Variants in PRKCE observed in about 807,000 individuals in gnomAD.
PRKCE encodes the protein protein kinase C epsilon.
PRKCE carries 16 observed loss-of-function variants against 85.4 expected under a neutral mutation model. The ratio of observed to expected loss-of-function variants is 0.19; its 90% CI spans 0.13 to 0.28. PRKCE has a LOEUF of 0.28. PRKCE is among the 10% of genes least tolerant of loss of function. PRKCE has a pLI of 1.00. For missense variants in PRKCE, 573 were observed against 975.2 expected (o/e 0.59, Z 5.49); for synonymous variants, 388 against 371.5 (o/e 1.04, Z -0.51).
chr2:45,687,467 G>T (rs574337141), intron 1 of PRKCE, among the ~76,000 whole-genome samples: 1 of 152,206 alleles, frequency 6.6e-6, no homozygotes, highest in South Asian at 2.1e-4. Flanking sequence ...CATGCATAAT[G>T]GGAACATAAA....
intron 1 of PRKCE, among the ~76,000 whole-genome samples, chr2:45,754,157 G>T (rs1010690954): frequency 2.6e-5 from 4 of 152,208 alleles, no homozygotes; most frequent in African/African-American, 9.6e-5. Context: ...TGCATCTGAG[G>T]TGGGGAAAGC....
chr2:45,902,411 A>G (rs1460990991), intron 2 of PRKCE, among the ~76,000 whole-genome samples: 1 of 152,206 alleles, frequency 6.6e-6, no homozygotes. Flanking sequence ...GTGATCCAAC[A>G]GGAGGATATT....
intron 1 of PRKCE, among the ~76,000 whole-genome samples, chr2:45,749,924 T>G (rs533202579): frequency 6.6e-6 from 1 of 152,084 alleles, no homozygotes; most frequent in South Asian, 2.1e-4. Context: ...TTTAGAGGAG[T>G]CAAGAACTGC....
chr2:46,000,850 C>A (rs577437650), intron 6 of PRKCE: 1 of 152,228 alleles, frequency 6.6e-6, no homozygotes, highest in Non-Finnish European at 1.5e-5. Context: ...CTGTCTAATT[C>A]TGGGAGCAGC....
At chr2:46,050,028 T>C (rs984205648) in intron 10 of PRKCE, among the ~76,000 whole-genome samples, 12 of 152,090 alleles carry the variant, frequency 7.9e-5, no homozygotes, top group African/African-American at 2.9e-4. Flanking sequence ...AAACCTAAAG[T>C]TCTTGCAGAA....
At chr2:45,870,973 C>A (rs1238975443) in intron 2 of PRKCE, among the ~76,000 whole-genome samples, 2 of 152,214 alleles carry the variant, frequency 1.3e-5, no homozygotes, top group African/African-American at 4.8e-5. Flanking sequence ...TGCCCAGTCC[C>A]AACCTGTGCC....
intron 6 of PRKCE, among the ~76,000 whole-genome samples, chr2:45,991,892 G>T (rs2104653538): frequency 6.6e-6 from 1 of 152,312 alleles, no homozygotes; most frequent in South Asian, 2.1e-4. Context: ...CTAGTTCCCT[G>T]TTATCTATTG....
chr2:45,698,958 G>T (rs929828866), intron 1 of PRKCE, among the ~76,000 whole-genome samples: 1 of 152,168 alleles, frequency 6.6e-6, no homozygotes, highest in Non-Finnish European at 1.5e-5. Context: ...TATTGCCAAG[G>T]AGTGGTAAGA....
rs923111131 is a variant in PRKCE at position 46,085,570 on chromosome 2, C to G, written c.1438-638C>G. On this transcript the variant is annotated intron_variant, in intron 10 of 14. Transcript: ENST00000306156. ...CATCCTTTGGCTTGTGACTGTTTCA[C>G]TCCAATCTCTGCCTCTGTGGCCACT... Among the ~76,000 whole-genome samples the G allele has an allele frequency of 6.1e-5, 9 of 147,170 alleles. 1 individual carries two copies. The Admixed American group carries it at 6.1e-4, about 10-fold the overall frequency.
chr2:45,874,585 T>A (rs1694333227), intron 2 of PRKCE, among the ~76,000 whole-genome samples: 5 of 152,126 alleles, frequency 3.3e-5, no homozygotes, highest in Admixed American at 1.3e-4. Context: ...TTTAGAAGAG[T>A]CACATGGGGA....
At chr2:45,665,699 C>CT (rs1159455195) in intron 1 of PRKCE, among the ~76,000 whole-genome samples, 1 of 152,114 alleles carries the variant, frequency 6.6e-6, no homozygotes, top group Non-Finnish European at 1.5e-5. Flanking sequence ...ACAATGAATA[C>CT]TTTTTTTTCT....
rs1169090385 is a variant in PRKCE, at chr2:46,155,582, C to A, written c.1921-4024C>A. On this transcript the variant is annotated intron_variant, in intron 13 of 14. Coordinates refer to ENST00000306156, the MANE Select transcript of PRKCE (RefSeq NM_005400.3). The surrounding 1 kb of genome is among the most constrained non-coding windows in gnomAD (Gnocchi z 4.7). ...TACTCACTTTCTCCCTTCAGCTGGC[C>A]AGGGGTCCCTCACATTCAGTATACT... Among the ~76,000 whole-genome samples the A allele has an allele frequency of 6.6e-6, 1 of 152,142 alleles. No individual in the cohort carries two copies. Among genetic ancestry groups the A allele is most frequent in the African/African-American group, 2.4e-5 (1 of 41,420 alleles).
At chr2:46,026,717 A>G (rs1230361601) in intron 10 of PRKCE, among the ~76,000 whole-genome samples, 3 of 152,230 alleles carry the variant, frequency 2.0e-5, no homozygotes, top group Non-Finnish European at 2.9e-5. Flanking sequence ...AGACCCCTTA[A>G]ACACAGAGAT....
rs184816865 is a variant in PRKCE at position 45,802,013 on chromosome 2, G to T, written c.349-40987G>T. Among the ~76,000 whole-genome samples, 694 of 151,612 alleles carry T rather than the reference G, an allele frequency of 4.6e-3. 2 individuals carry two copies. Among genetic ancestry groups the T allele is most frequent in the Non-Finnish European group, 7.0e-3 (472 of 67,894 alleles). ...CCTGTAATTCTAGCACTTTAGGAAG[G>T]CCAAGGCGAGAGGATCACTTGAGAC... On this transcript the variant is annotated intron_variant, in intron 1 of 14. Coordinates refer to ENST00000306156, the MANE Select transcript of PRKCE (RefSeq NM_005400.3).
intron 6 of PRKCE, among the ~76,000 whole-genome samples, chr2:45,996,888 T>A (rs979198439): frequency 4.6e-5 from 7 of 152,192 alleles, no homozygotes; most frequent in African/African-American, 1.7e-4. Flanking sequence ...CTAGAAGATA[T>A]TATAGAGAAT....
chr2:45,668,023 T>C (rs1188457556), intron 1 of PRKCE, among the ~76,000 whole-genome samples: 1 of 152,138 alleles, frequency 6.6e-6, no homozygotes, highest in African/African-American at 2.4e-5. Flanking sequence ...ATAAATAATA[T>C]AATGCATAGA....
intron 1 of PRKCE, among the ~76,000 whole-genome samples, chr2:45,839,135 A>ATT (rs142131154): frequency 0.024 from 3,551 of 150,918 alleles, 46 homozygotes; most frequent in African/African-American, 0.041. Context: ...TAAAAAAAAA[A>ATT]TTTTTTTTTT....
intron 10 of PRKCE, among the ~76,000 whole-genome samples, chr2:46,038,136 A>T (rs555051213): frequency 6.6e-6 from 1 of 152,144 alleles, no homozygotes; most frequent in Non-Finnish European, 1.5e-5. Context: ...CCCTTCCTCT[A>T]TAGTTATCTT....
intron 2 of PRKCE, among the ~76,000 whole-genome samples, chr2:45,971,100 A>G (rs894025277): frequency 1.3e-5 from 2 of 152,198 alleles, no homozygotes; most frequent in Non-Finnish European, 2.9e-5. Flanking sequence ...ACAAAATTGC[A>G]TGATAGATCT....
Sources: allele counts gnomAD v4.1 joint callset (sites outside exome capture counted in the v4.1 genomes callset), GRCh38; gene constraint gnomAD v4.1.1; non-coding constraint Gnocchi (gnomAD v3.1); transcripts MANE v1.5; gene names NCBI Gene and HGNC (gene_info 2026-07-23, HGNC 2026-07-21).